Variants in ADGRL3 observed in about 807,000 individuals in gnomAD.
The protein encoded by ADGRL3 is adhesion G protein-coupled receptor L3.
In ADGRL3, 62 loss-of-function variants were observed where a neutral mutation model predicts 153.5. That is an observed-to-expected ratio of 0.40 (90% CI 0.33 to 0.50). ADGRL3 has a LOEUF of 0.50. Among genes scored for constraint, ADGRL3 ranks in the 20% least tolerant of loss-of-function variants. ADGRL3 has a pLI of 0.47. For missense variants in ADGRL3, 1,641 were observed against 1,859.4 expected (o/e 0.88, Z 2.16); for synonymous variants, 710 against 672.5 (o/e 1.06, Z -0.86).
chr4:62,050,500 G>A (rs1733517865), intron 25 of ADGRL3, among the ~76,000 whole-genome samples: 1 of 151,942 alleles, frequency 6.6e-6, no homozygotes, highest in Admixed American at 6.6e-5. Context: ...TTTCCCAGGA[G>A]GTTGGTCACT....
chr4:61,759,890 A>C (rs9762466), intron 8 of ADGRL3, among the ~76,000 whole-genome samples: 7 of 152,100 alleles, frequency 4.6e-5, no homozygotes, highest in Non-Finnish European at 7.4e-5. Flanking sequence ...CCTCTTAACC[A>C]TCAGGACCCT....
At chr4:61,791,420 A>G (rs1449068239) in intron 8 of ADGRL3, among the ~76,000 whole-genome samples, 1 of 152,192 alleles carries the variant, frequency 6.6e-6, no homozygotes. Context: ...CCAGGTCACA[A>G]TGATGCAAGA....
chr4:61,473,353 A>G (rs1415518463), intron 2 of ADGRL3, among the ~76,000 whole-genome samples: 3 of 151,964 alleles, frequency 2.0e-5, no homozygotes. Context: ...TGGGTACTGT[A>G]CACAGTGCCT....
At chr4:61,862,344 G>A (rs2098349941) in intron 9 of ADGRL3, among the ~76,000 whole-genome samples, 1 of 152,188 alleles carries the variant, frequency 6.6e-6, no homozygotes, top group Non-Finnish European at 1.5e-5. Flanking sequence ...GGACAGAGCT[G>A]TAACTATGAC....
At chr4:61,376,711 C>G (rs2096607312) in intron 1 of ADGRL3, among the ~76,000 whole-genome samples, 2 of 152,114 alleles carry the variant, frequency 1.3e-5, no homozygotes, top group Non-Finnish European at 2.9e-5. Flanking sequence ...TTCTTATTTT[C>G]CTGTCTACAG....
In ADGRL3 at chr4:62,078,219, C is replaced by T. The variant is rs927026465; in HGVS notation, c.*7311C>T. 5 of 151,862 alleles carry T rather than the reference C, an allele frequency of 3.3e-5. No individual in the cohort carries two copies. Among genetic ancestry groups the T allele is most frequent in the Non-Finnish European group, 5.9e-5 (4 of 67,874 alleles). 9.4% of individuals were successfully genotyped at this position (151,862 alleles called of 1,614,324 possible). A position where few individuals can be genotyped will look rare whatever the true frequency, so the allele number is the denominator to read the frequency against. On this transcript the variant is annotated 3_prime_UTR_variant, in exon 27 of 27. Transcript: ENST00000683033. Reference sequence around the variant, plus strand: ...TCATATACACCTACCAGATTTCAAGCTATTGGATATTTCCCTTGTACAACC... The same window carrying T: ...TCATATACACCTACCAGATTTCAAGTTATTGGATATTTCCCTTGTACAACC...
intron 1 of ADGRL3, among the ~76,000 whole-genome samples, chr4:61,247,060 A>G (rs758128642): frequency 1.0e-3 from 152 of 152,222 alleles, no homozygotes; most frequent in Middle Eastern, 3.4e-3. Flanking sequence ...TTTTAAAGGA[A>G]GAGAAATAAT....
intron 8 of ADGRL3, among the ~76,000 whole-genome samples, chr4:61,760,673 C>A (rs1261311375): frequency 1.3e-5 from 2 of 152,184 alleles, no homozygotes; most frequent in African/African-American, 4.8e-5. Context: ...CCTGCACCCA[C>A]TTTCCGACAC....
intron 9 of ADGRL3, among the ~76,000 whole-genome samples, chr4:61,881,881 A>G (rs2098510769): frequency 6.6e-6 from 1 of 152,334 alleles, no homozygotes; most frequent in African/African-American, 2.4e-5. Context: ...ATAAAATACA[A>G]TATTGAGGCT....
chr4:61,586,535 A>G (rs2098947368), intron 4 of ADGRL3, among the ~76,000 whole-genome samples: 1 of 152,162 alleles, frequency 6.6e-6, no homozygotes, highest in South Asian at 2.1e-4. Flanking sequence ...AAATTTTCAG[A>G]GTAAAGTGAA....
intron 21 of ADGRL3, among the ~76,000 whole-genome samples, chr4:61,998,582 T>A (rs113765212): frequency 1.1e-4 from 16 of 151,532 alleles, no homozygotes; most frequent in Middle Eastern, 3.2e-3. Context: ...TTTTTTTTTT[T>A]ATTTAATTTT....
At chr4:61,727,325 A>G (rs927800269) in intron 6 of ADGRL3, among the ~76,000 whole-genome samples, 3 of 152,186 alleles carry the variant, frequency 2.0e-5, no homozygotes, top group Non-Finnish European at 4.4e-5. Context: ...GACAACAATG[A>G]AATCACTTTA....
At chr4:61,599,556 C>T (rs564268257) in intron 5 of ADGRL3, among the ~76,000 whole-genome samples, 2 of 152,312 alleles carry the variant, frequency 1.3e-5, no homozygotes, top group African/African-American at 2.4e-5. Flanking sequence ...TGGTCTTGAA[C>T]TCCTGACCTC....
intron 13 of ADGRL3, among the ~76,000 whole-genome samples, chr4:61,914,149 A>G (rs2098734634): frequency 6.6e-6 from 1 of 152,140 alleles, no homozygotes; most frequent in Non-Finnish European, 1.5e-5. Flanking sequence ...CGTTCTGGAA[A>G]TGTATACTGA....
At chr4:61,340,861 T>C (rs2095794845) in intron 1 of ADGRL3, among the ~76,000 whole-genome samples, 1 of 151,530 alleles carries the variant, frequency 6.6e-6, no homozygotes, top group Non-Finnish European at 1.5e-5. Flanking sequence ...ATTATACAGA[T>C]AGAACCATAT....
intron 25 of ADGRL3, among the ~76,000 whole-genome samples, chr4:62,061,677 T>G (rs1398916171): frequency 6.6e-6 from 1 of 152,046 alleles, no homozygotes; most frequent in Non-Finnish European, 1.5e-5. Context: ...TTTTGTCATT[T>G]CAAGAACATT....
intron 8 of ADGRL3, among the ~76,000 whole-genome samples, chr4:61,777,829 AT>A (rs2097170746): frequency 6.6e-6 from 1 of 152,072 alleles, no homozygotes; most frequent in African/African-American, 2.4e-5. Flanking sequence ...TCGCTAGGGG[AT>A]TTGCTTCTGT....
chr4:61,702,300 C>A (rs1447228604), intron 6 of ADGRL3, among the ~76,000 whole-genome samples: 1 of 152,138 alleles, frequency 6.6e-6, no homozygotes, highest in African/African-American at 2.4e-5. Context: ...TTGGTTCTTT[C>A]CAAGGCACTA....
intron 1 of ADGRL3, among the ~76,000 whole-genome samples, chr4:61,215,680 T>G (rs1158723252): frequency 6.6e-6 from 1 of 150,476 alleles, no homozygotes; most frequent in Non-Finnish European, 1.5e-5. Context: ...GCCTCCTGAG[T>G]AGCTGGGACT....
Sources: allele counts gnomAD v4.1 joint callset (sites outside exome capture counted in the v4.1 genomes callset), GRCh38; gene constraint gnomAD v4.1.1; transcripts MANE v1.5; gene names NCBI Gene and HGNC (gene_info 2026-07-23, HGNC 2026-07-21).